Variants in ASIC2 observed in about 807,000 individuals in gnomAD.
ASIC2 encodes the protein acid sensing ion channel subunit 2.
In ASIC2, 25 loss-of-function variants were observed where a neutral mutation model predicts 57.3. The ratio of observed to expected loss-of-function variants is 0.44; its 90% CI spans 0.32 to 0.61. The LOEUF (loss-of-function observed/expected upper bound fraction) is 0.61. ASIC2 is among the 20% of genes least tolerant of loss of function. The pLI, the probability that ASIC2 is intolerant of heterozygous loss-of-function variation, is 0.06. For missense variants in ASIC2, 641 were observed against 738.1 expected (o/e 0.87, Z 1.52); for synonymous variants, 319 against 307.5 (o/e 1.04, Z -0.39).
At chr17:33,890,641 T>C (rs761728699) in intron 1 of ASIC2, among the ~76,000 whole-genome samples, 2 of 152,182 alleles carry the variant, frequency 1.3e-5, no homozygotes, top group Non-Finnish European at 2.9e-5. Flanking sequence ...CCGTCCATTC[T>C]ATGTAGAGTT....
intron 1 of ASIC2, among the ~76,000 whole-genome samples, chr17:33,989,727 G>A (rs907350779): frequency 3.9e-5 from 6 of 152,162 alleles, no homozygotes; most frequent in African/African-American, 7.2e-5. Context: ...CATTCTTGAA[G>A]TTTGGGCTTA....
chr17:33,819,328 C>A (rs1567724615), intron 1 of ASIC2, among the ~76,000 whole-genome samples: 1 of 152,204 alleles, frequency 6.6e-6, no homozygotes, highest in East Asian at 1.9e-4. Flanking sequence ...TGCTCATGGG[C>A]AAGCTGCCTA....
chr17:34,106,264 G>A (rs55753087), intron 1 of ASIC2, among the ~76,000 whole-genome samples: 4,140 of 152,182 alleles, frequency 0.027, 188 homozygotes, highest in African/African-American at 0.093. Flanking sequence ...TTTGTTCAAG[G>A]TGTTGCCAAT....
At chr17:34,047,388 C>T (rs1334327137) in intron 1 of ASIC2, among the ~76,000 whole-genome samples, 1 of 151,702 alleles carries the variant, frequency 6.6e-6, no homozygotes, top group Non-Finnish European at 1.5e-5. Context: ...TCCCAAAACC[C>T]CCTTTCATAT....
At chr17:33,029,791 T>G (rs1394341101) in intron 3 of ASIC2, among the ~76,000 whole-genome samples, 1 of 152,238 alleles carries the variant, frequency 6.6e-6, no homozygotes, top group African/African-American at 2.4e-5. Flanking sequence ...CCATGCCAAA[T>G]CTGGACTTCG....
In ASIC2 at chr17:33,466,434, C is replaced by T. The variant is rs548689996; in HGVS notation, c.556-354367G>A. ...TACTGCCCAAGGTAATTTATAGATT[C>T]GATGCCATCCCCGTCAAGCCACCAA... is the stretch of plus-strand genomic sequence containing the variant. On this transcript the variant is annotated intron_variant, in intron 1 of 9. Coordinates refer to the ASIC2 transcript ENST00000359872. Among the ~76,000 whole-genome samples the T allele has an allele frequency of 1.2e-4, 18 of 152,150 alleles. No homozygotes were observed. In the South Asian group the frequency reaches 1.2e-3, roughly 11 times the overall value.
At chr17:33,323,011 T>C (rs1166636742) in intron 1 of ASIC2, among the ~76,000 whole-genome samples, 1 of 152,148 alleles carries the variant, frequency 6.6e-6, no homozygotes, top group Non-Finnish European at 1.5e-5. Flanking sequence ...TCTTATACTT[T>C]CTGAACATAC....
chr17:33,921,847 CAGG>C (rs1915715212), intron 1 of ASIC2, among the ~76,000 whole-genome samples: 1 of 152,122 alleles, frequency 6.6e-6, no homozygotes, highest in South Asian at 2.1e-4. Flanking sequence ...GGAATTTTCC[CAGG>C]AGAAGGAGGA....
intron 1 of ASIC2, among the ~76,000 whole-genome samples, chr17:33,870,700 A>G (rs1482270115): frequency 1.8e-4 from 27 of 152,126 alleles, no homozygotes; most frequent in Admixed American, 1.7e-3. Flanking sequence ...CAATTCTCAT[A>G]TATTTGAGGT....
intron 1 of ASIC2, among the ~76,000 whole-genome samples, chr17:33,175,808 G>A (rs1402634389): frequency 6.6e-6 from 1 of 151,928 alleles, no homozygotes; most frequent in East Asian, 1.9e-4. Context: ...ACCAATCTCG[G>A]CGCTCTCTTC....
At chr17:33,509,714 T>A (rs370843982) in intron 1 of ASIC2, among the ~76,000 whole-genome samples, 89 of 152,266 alleles carry the variant, frequency 5.8e-4, no homozygotes, top group African/African-American at 2.1e-3. Context: ...GGATGAAAAT[T>A]TGGATTGTTG....
Position 34,039,619 on chromosome 17 carries a change from C to T in ASIC2, c.555+116359G>A, listed in dbSNP as rs546470541. On this transcript the variant is annotated intron_variant, in intron 1 of 9. Coordinates refer to the ASIC2 transcript ENST00000359872. The stretch of plus-strand genomic sequence containing the variant: ...TCCCCCAGCAAACTCAAAGTAATCA[C>T]TAATTTTATGTCCCCTAGGAGTGCC... 3.1e-4 allele frequency: 501 copies of T among 1,613,678 alleles called. 1 individual carries two copies. Among genetic ancestry groups the T allele is most frequent in the Non-Finnish European group, 4.0e-4 (470 of 1,179,610 alleles).
chr17:33,507,160 A>G (rs1277398207), intron 1 of ASIC2, among the ~76,000 whole-genome samples: 1 of 152,196 alleles, frequency 6.6e-6, no homozygotes, highest in Non-Finnish European at 1.5e-5. Context: ...CAATGATTCT[A>G]TTAGTCCCTG....
chr17:33,494,084 G>T lies in ASIC2; in HGVS notation c.556-382017C>A, dbSNP rs144875154. Among the ~76,000 whole-genome samples the T allele has an allele frequency of 2.8e-3, 430 of 152,344 alleles. 1 individual carries two copies. Among genetic ancestry groups the T allele is most frequent in the Admixed American group, 5.6e-3 (85 of 15,308 alleles). On this transcript the variant is annotated intron_variant, in intron 1 of 9. Coordinates refer to the ASIC2 transcript ENST00000359872. ...ATCCCATAGCCTGTGGCTAGGAAAT[G>T]GTAAGCTGGGCCAGGACCTGCCCTT...
intron 1 of ASIC2, among the ~76,000 whole-genome samples, chr17:33,988,343 T>G (rs762049160): frequency 1.3e-5 from 2 of 152,182 alleles, no homozygotes; most frequent in African/African-American, 2.4e-5. Context: ...GCTGTTCTCA[T>G]GATAGTGAAT....
rs558232722 is a variant in ASIC2 at position 33,538,883 on chromosome 17, T to C, written c.556-426816A>G. Among the ~76,000 whole-genome samples the C allele has an allele frequency of 3.0e-3, 461 of 152,314 alleles. 1 individual carries two copies. The highest frequency in any genetic ancestry group is 5.9e-3 in the Non-Finnish European group (401 of 68,030). On this transcript the variant is annotated intron_variant, in intron 1 of 9. Coordinates refer to the ASIC2 transcript ENST00000359872. Reference sequence around the variant, plus strand: ...AAATTTGAGTTTAGTAATGAATACTTACTAGGAATAGGATAACAATCTTCT... The same window carrying C: ...AAATTTGAGTTTAGTAATGAATACTCACTAGGAATAGGATAACAATCTTCT...
chr17:34,097,309 A>G (rs1289629369), intron 1 of ASIC2, among the ~76,000 whole-genome samples: 1 of 152,122 alleles, frequency 6.6e-6, no homozygotes, highest in African/African-American at 2.4e-5. Context: ...GGCACAGACA[A>G]GAAGTAGGAT....
chr17:33,247,868 AAG>A (rs1192826188), intron 1 of ASIC2, among the ~76,000 whole-genome samples: 1 of 152,362 alleles, frequency 6.6e-6, no homozygotes, highest in Non-Finnish European at 1.5e-5. Context: ...CAGTGGGCAC[AAG>A]AGACAGAGGT....
In ASIC2 at chr17:33,439,249, G is replaced by A. The variant is rs1013804428; in HGVS notation, c.556-327182C>T. On this transcript the variant is annotated intron_variant, in intron 1 of 9. Coordinates refer to the ASIC2 transcript ENST00000359872. ...ATGATCTAAGTCAATGTCATAATAA[G>A]CCACTCGGAGTGAAAGGGGACAAGG... Among the ~76,000 whole-genome samples the A allele has an allele frequency of 2.0e-5, 3 of 152,306 alleles. No homozygotes were observed. The South Asian group carries it at 6.2e-4, about 32-fold the overall frequency.
Sources: allele counts gnomAD v4.1 joint callset (sites outside exome capture counted in the v4.1 genomes callset), GRCh38; gene constraint gnomAD v4.1.1; transcripts MANE v1.5; gene names NCBI Gene and HGNC (gene_info 2026-07-23, HGNC 2026-07-21).